Variants in SRD5A2 observed in about 807,000 individuals in gnomAD.
SRD5A2 encodes the protein steroid 5 alpha-reductase 2, also known as 3-oxo-5-alpha-steroid 4-dehydrogenase 2.
SRD5A2 carries 30 observed loss-of-function variants against 27.4 expected under a neutral mutation model. The observed-to-expected ratio is 1.10, with a 90% CI of 0.82 to 1.49. The LOEUF (loss-of-function observed/expected upper bound fraction) is 1.49. SRD5A2 is among the 40% of genes most tolerant of loss of function. The pLI is 0.00. For missense variants in SRD5A2, 348 were observed against 323.4 expected (o/e 1.08, Z -0.58); for synonymous variants, 141 against 133.6 (o/e 1.06, Z -0.38).
chr2:31,635,846 G>A, the SRD5A2 span, among the ~76,000 whole-genome samples: 5 of 152,098 alleles, frequency 3.3e-5, no homozygotes, highest in African/African-American at 1.2e-4. Context: ...TCCTTTCAAA[G>A]ATGAGTTAAT....
chr2:31,580,945 G>A (rs1189084778), upstream of SRD5A2: 2 of 1,562,266 alleles, frequency 1.3e-6, no homozygotes, highest in East Asian at 2.3e-5. Flanking sequence ...CCAGAAGAGA[G>A]CGCGGCCCCC....
In SRD5A2 at chr2:31,526,105, G is replaced by GTATATATATATATA; in HGVS notation, c.*90_*91insTATATATATATATA. 1.3e-6 allele frequency: 1 copy of GTATATATATATATA among 797,454 alleles called. No individual in the cohort carries two copies. The highest frequency in any genetic ancestry group is 2.0e-6 in the Non-Finnish European group (1 of 499,294). The allele number at this position is 797,454 out of a possible 1,614,324, so 49.4% of individuals were successfully genotyped here. A position where few individuals can be genotyped will look rare whatever the true frequency, so the allele number is the denominator to read the frequency against. On this transcript the variant is annotated 3_prime_UTR_variant, in exon 5 of 5. Coordinates refer to ENST00000622030, the MANE Select transcript of SRD5A2 (RefSeq NM_000348.4). ...AGGAGACCTACTATTACATATATAC[G>GTATATATATATATA]GGACTATTATATCATGAAAATTACA...
the SRD5A2 span, among the ~76,000 whole-genome samples, chr2:31,599,398 C>T: frequency 6.6e-6 from 1 of 151,930 alleles, no homozygotes; most frequent in Non-Finnish European, 1.5e-5. Context: ...CAAAATGGGC[C>T]ATATGTTAGG....
At chr2:31,610,285 C>G in the SRD5A2 span, among the ~76,000 whole-genome samples, 1 of 152,056 alleles carries the variant, frequency 6.6e-6, no homozygotes, top group Non-Finnish European at 1.5e-5. Context: ...CAAAAAAAAG[C>G]TAGCAAACTA....
chr2:31,620,483 A>C, the SRD5A2 span, among the ~76,000 whole-genome samples: 1 of 152,238 alleles, frequency 6.6e-6, no homozygotes, highest in Non-Finnish European at 1.5e-5. Context: ...CAACTTCAGC[A>C]AAGTCTCAGG....
chr2:31,547,850 C>T (rs28745291), intron 1 of SRD5A2, among the ~76,000 whole-genome samples: 4,021 of 150,742 alleles, frequency 0.027, 141 homozygotes, highest in African/African-American at 0.086. Context: ...ATATCTCCCC[C>T]GCCTCTCTCT....
chr2:31,652,891 C>T, the SRD5A2 span, among the ~76,000 whole-genome samples: 1 of 152,242 alleles, frequency 6.6e-6, no homozygotes, highest in East Asian at 1.9e-4. Context: ...TGCTTGATGG[C>T]GCTGGTTCCC....
At chr2:31,642,123 G>T in the SRD5A2 span, among the ~76,000 whole-genome samples, 16 of 152,126 alleles carry the variant, frequency 1.1e-4, no homozygotes, top group East Asian at 2.9e-3. Flanking sequence ...ACAGACAAAG[G>T]CTTAAAGGTA....
At chr2:31,592,163 A>G in the SRD5A2 span, among the ~76,000 whole-genome samples, 1 of 152,050 alleles carries the variant, frequency 6.6e-6, no homozygotes, top group Non-Finnish European at 1.5e-5. Context: ...GCAATTAAAA[A>G]AAAAAAAAGA....
chr2:31,555,292 T>C (rs1666472492), intron 1 of SRD5A2, among the ~76,000 whole-genome samples: 1 of 152,118 alleles, frequency 6.6e-6, no homozygotes, highest in Non-Finnish European at 1.5e-5. Context: ...CTTCTGATGG[T>C]ACCTACACTG....
At chr2:31,554,843 A>G (rs1666460295) in intron 1 of SRD5A2, among the ~76,000 whole-genome samples, 1 of 152,080 alleles carries the variant, frequency 6.6e-6, no homozygotes, top group African/African-American at 2.4e-5. Flanking sequence ...TTCGGTATCA[A>G]TCAGACTGTG....
the SRD5A2 span, among the ~76,000 whole-genome samples, chr2:31,591,417 C>T: frequency 2.0e-5 from 3 of 152,048 alleles, no homozygotes; most frequent in African/African-American, 7.2e-5. Context: ...AAATGGCGAT[C>T]ATTAAAAAGT....
At chr2:31,658,214 C>T in the SRD5A2 span, among the ~76,000 whole-genome samples, 9 of 152,006 alleles carry the variant, frequency 5.9e-5, no homozygotes, top group African/African-American at 2.2e-4. Context: ...ATTTCTGGGA[C>T]ACAGCTAAAG....
chr2:31,591,407 A>G, the SRD5A2 span, among the ~76,000 whole-genome samples: 1 of 152,140 alleles, frequency 6.6e-6, no homozygotes, highest in Admixed American at 6.5e-5. Flanking sequence ...ACGCCAGTTA[A>G]AATGGCGATC....
chr2:31,600,463 A>T, the SRD5A2 span, among the ~76,000 whole-genome samples: 704 of 152,096 alleles, frequency 4.6e-3, 4 homozygotes, highest in African/African-American at 0.016. Context: ...TCATTGTAAA[A>T]GTGTTCTGTT....
chr2:31,640,173 A>C, the SRD5A2 span, among the ~76,000 whole-genome samples: 1 of 144,016 alleles, frequency 6.9e-6, no homozygotes, highest in Admixed American at 6.9e-5. Context: ...TGCATTTCTC[A>C]GTTCTCAGCT....
At chr2:31,539,979 T>C (rs1010468433) in intron 1 of SRD5A2, among the ~76,000 whole-genome samples, 1 of 152,154 alleles carries the variant, frequency 6.6e-6, no homozygotes, top group Non-Finnish European at 1.5e-5. Context: ...TAGATGCCAA[T>C]ACACTGTATT....
At position 31,572,148 on chromosome 2, in the gene SRD5A2, C is replaced by T. The variant is rs140114116; in HGVS notation, c.281+8472G>A. On this transcript the variant is annotated intron_variant, in intron 1 of 4. Coordinates refer to ENST00000622030, the MANE Select transcript of SRD5A2 (RefSeq NM_000348.4). Reference sequence around the variant, plus strand: ...TATACACCATGGAATATTATGCAGCCATGAAAAATAATGAGATCATGTCCT... The same window carrying T: ...TATACACCATGGAATATTATGCAGCTATGAAAAATAATGAGATCATGTCCT... 6.6e-3 allele frequency among the ~76,000 whole-genome samples: 1,002 copies of T among 152,218 alleles called. 11 individuals carry two copies. Among genetic ancestry groups the T allele is most frequent in the African/African-American group, 0.023 (957 of 41,520 alleles).
the SRD5A2 span, among the ~76,000 whole-genome samples, chr2:31,658,391 G>A: frequency 6.6e-6 from 1 of 151,892 alleles, no homozygotes; most frequent in Non-Finnish European, 1.5e-5. Flanking sequence ...CTGACCTGAA[G>A]GGAATTGAGA....
Sources: allele counts gnomAD v4.1 joint callset (sites outside exome capture counted in the v4.1 genomes callset), GRCh38; gene constraint gnomAD v4.1.1; transcripts MANE v1.5; gene names NCBI Gene and HGNC (gene_info 2026-07-23, HGNC 2026-07-21).